The following LIMK1 variants were observed in gnomAD, a reference collection of about 807,000 sequenced individuals.
LIMK1 encodes the protein LIM domain kinase 1, also known as LIM motif-containing protein kinase.
LIMK1 carries 21 observed loss-of-function variants against 77.6 expected under a neutral mutation model. That is an observed-to-expected ratio of 0.27 (90% CI 0.19 to 0.39). The LOEUF is 0.39. Ranked by LOEUF, LIMK1 falls within the 10% of genes least tolerant of loss-of-function variation. The pLI is 1.00. For missense variants in LIMK1, 696 were observed against 901.6 expected, an observed-to-expected ratio of 0.77 and a Z score of 2.92; for synonymous variants, 358 against 370.0, an observed-to-expected ratio of 0.97 and a Z score of 0.37.
chr7:74,085,348 C>T (rs190097748), intron 1 of LIMK1, among the ~76,000 whole-genome samples: 340 of 152,346 alleles, frequency 2.2e-3, no homozygotes, highest in African/African-American at 7.7e-3. Flanking sequence ...TTTGAAGGGC[C>T]CTCTTAGTAC....
intron 4 of LIMK1, 73 bp from the exon 5 acceptor site, chr7:74,098,959 T>C: frequency 5.0e-6 from 6 of 1,201,468 alleles, no homozygotes; most frequent in Non-Finnish European, 7.2e-6. Flanking sequence ...AGCCTGGGGC[T>C]GGGGGCTGCA....
intron 2 of LIMK1, chr7:74,092,963 C>T (rs782315836): frequency 2.1e-5 from 10 of 486,594 alleles, no homozygotes; most frequent in African/African-American, 3.9e-5. Context: ...GGACTGAGGG[C>T]CAGGGACGGG....
At chr7:74,096,999 C>A in intron 3 of LIMK1, 81 bp from the exon 4 acceptor site, 1 of 1,205,872 alleles carries the variant, frequency 8.3e-7, no homozygotes, top group Non-Finnish European at 1.2e-6. Context: ...TGGTGACACC[C>A]TTGGAAGAGG....
chr7:74,112,143 C>A, intron 12 of LIMK1, 145 bp downstream of exon 12: 1 of 674,460 alleles, frequency 1.5e-6, no homozygotes, highest in Non-Finnish European at 2.5e-6. Flanking sequence ...GGCAGCAGCC[C>A]GTGGGGAAGA....
intron 13 of LIMK1, among the ~76,000 whole-genome samples, chr7:74,116,698 T>G (rs1554699545): frequency 1.3e-5 from 2 of 150,164 alleles, no homozygotes; most frequent in Admixed American, 6.7e-5. Context: ...GCTCTAACCT[T>G]CCTCCTTTTT....
intron 4 of LIMK1, among the ~76,000 whole-genome samples, chr7:74,098,185 C>T (rs1554695987): frequency 6.6e-6 from 1 of 152,178 alleles, no homozygotes; most frequent in African/African-American, 2.4e-5. Flanking sequence ...CTGCAACCCT[C>T]TTCAAATCAC....
At chr7:74,097,856 G>A (rs782228354) in intron 4 of LIMK1, among the ~76,000 whole-genome samples, 6 of 152,196 alleles carry the variant, frequency 3.9e-5, no homozygotes, top group Non-Finnish European at 7.3e-5. Flanking sequence ...ACTTCTGACC[G>A]ACTGGCTACA....
intron 7 of LIMK1, 145 bp downstream of exon 7, chr7:74,106,388 T>C: frequency 1.2e-6 from 1 of 817,842 alleles, no homozygotes; most frequent in East Asian, 2.5e-5. Context: ...TAAGCTGTCA[T>C]CACACCACTG....
At chr7:74,108,647 C>CAA (rs1310123718) in intron 9 of LIMK1, among the ~76,000 whole-genome samples, 2 of 87,882 alleles carry the variant, frequency 2.3e-5, no homozygotes, top group Non-Finnish European at 4.7e-5. Context: ...GACTCCTTCT[C>CAA]AAAAAAAAAA....
At chr7:74,115,586 G>A (rs1584131030) in intron 12 of LIMK1, 1 of 534,230 alleles carries the variant, frequency 1.9e-6, no homozygotes, top group Middle Eastern at 5.0e-4. Context: ...TGGGAGGGAG[G>A]AAGCCACACT....
At chr7:74,093,917 C>CGGGGCAGGGGCGGGGCA (rs1554695143) in intron 2 of LIMK1, 1 of 151,170 alleles carries the variant, frequency 6.6e-6, no homozygotes, top group African/African-American at 2.4e-5. Context: ...GGGTGAGGGG[C>CGGGGCAGGGGCGGGGCA]GGGGCAGGGG....
At chr7:74,104,978 G>A (rs537558221) in intron 5 of LIMK1, among the ~76,000 whole-genome samples, 2 of 152,192 alleles carry the variant, frequency 1.3e-5, no homozygotes, top group Admixed American at 6.6e-5. Context: ...TTTTTGCGAC[G>A]GAGTCTCGCT....
chr7:74,097,011 C>A, intron 3 of LIMK1, 69 bp from the exon 4 acceptor site: 1 of 1,282,960 alleles, frequency 7.8e-7, no homozygotes. Context: ...TGGAAGAGGC[C>A]TAGGGGAGGA....
rs1406801488 is a variant in LIMK1 at position 74,107,135 on chromosome 7, C to T, written c.1007C>T (p.Pro336Leu). Reference protein sequence around the residue: ...VVCRPHRIFRPSDLIHGEVLG... With the variant: ...VVCRPHRIFRLSDLIHGEVLG... Reference sequence around the variant, plus strand: ...TGCCGGCCACACCGCATCTTCCGGCCGTCGGACCTCATCCACGGGGAGGTG... The same window carrying T: ...TGCCGGCCACACCGCATCTTCCGGCTGTCGGACCTCATCCACGGGGAGGTG... Residue 336 changes from proline (P) to leucine (L), a missense_variant, in exon 8 of 16, where the codon CCG becomes CTG. Pro to Leu is a moderately conservative substitution (Grantham distance 98). Around this residue, in one of 3 missense-constraint regions of LIMK1, gnomAD observed 438 missense variants for 602.3 expected, o/e 0.73. Transcript: ENST00000336180. 3.7e-6 allele frequency: 6 copies of T among 1,613,012 alleles called. No individual in the cohort carries two copies. Among genetic ancestry groups the T allele is most frequent in the Non-Finnish European group, 5.1e-6 (6 of 1,179,924 alleles).
chr7:74,118,377 A>C (rs1462986601), intron 13 of LIMK1, among the ~76,000 whole-genome samples: 47 of 130,132 alleles, frequency 3.6e-4, no homozygotes, highest in Admixed American at 6.4e-4. Context: ...CTCTGTGTCA[A>C]ACACACACAC....
At chr7:74,102,266 A>G (rs1390403939) in intron 5 of LIMK1, among the ~76,000 whole-genome samples, 1 of 151,978 alleles carries the variant, frequency 6.6e-6, no homozygotes, top group Non-Finnish European at 1.5e-5. Flanking sequence ...CACACCCTTC[A>G]CCAAGGTTCA....
chr7:74,094,205 C>G (rs1306566537), intron 2 of LIMK1: 2 of 152,512 alleles, frequency 1.3e-5, no homozygotes, highest in Admixed American at 1.3e-4. Flanking sequence ...GGTGGGCAGA[C>G]CTAGTGTCTG....
intron 11 of LIMK1, 92 bp downstream of exon 11, chr7:74,111,799 G>T (rs1209409889): frequency 2.1e-6 from 3 of 1,449,540 alleles, no homozygotes; most frequent in African/African-American, 2.8e-5. Context: ...GGGCAGAGGG[G>T]GTCGATGGGA....
rs138329338 is a variant in LIMK1 at position 74,115,139 on chromosome 7, C to G, written c.1411-663C>G. Among the ~76,000 whole-genome samples, 7 of 151,036 alleles carry G rather than the reference C, an allele frequency of 4.6e-5. No homozygotes were observed. In the East Asian group the frequency reaches 1.4e-3, roughly 30 times the overall value. The stretch of plus-strand genomic sequence containing the variant: ...CTGGGTCTATAATCAAAATTCCTGT[C>G]TTGATGGGCACAGTGGCTCACACCT... On this transcript the variant is annotated intron_variant, in intron 12 of 15. Coordinates refer to ENST00000336180, the MANE Select transcript of LIMK1 (RefSeq NM_002314.4).
Sources: allele counts gnomAD v4.1 joint callset (sites outside exome capture counted in the v4.1 genomes callset), GRCh38; gene constraint gnomAD v4.1.1; regional missense constraint gnomAD v4.1.1; transcripts MANE v1.5; gene names NCBI Gene and HGNC (gene_info 2026-07-23, HGNC 2026-07-21).